Variants in NEK3 observed in about 807,000 individuals in gnomAD.
NEK3 encodes serine/threonine-protein kinase Nek3.
NEK3 carries 54 observed loss-of-function variants against 66.0 expected under a neutral mutation model. The ratio of observed to expected loss-of-function variants is 0.82; its 90% CI spans 0.66 to 1.03. The LOEUF is 1.03. Ranked by LOEUF, NEK3 falls within the 50% of genes least tolerant of loss-of-function variation. The pLI is 0.00. For synonymous variants in NEK3, 200 were observed against 206.2 expected (o/e 0.97, Z 0.26); for missense variants, 593 against 603.0 (o/e 0.98, Z 0.17).
chr13:52,132,941 C>A lies in NEK3; in HGVS notation c.*201G>T, dbSNP rs1956165792. 1 of 557,848 alleles carries A rather than the reference C, an allele frequency of 1.8e-6. No homozygotes were observed. Among genetic ancestry groups the A allele is most frequent in the African/African-American group, 1.9e-5 (1 of 53,282 alleles). The allele number at this position is 557,848 out of a possible 1,614,324, so 34.6% of individuals were successfully genotyped here. ...CACACTCATTCCACTATACCTTCTC[C>A]CTTGAGTTCAAAAACTTACAGGAGT... On this transcript the variant is annotated 3_prime_UTR_variant, in exon 16 of 16. Transcript: ENST00000610828.
At chr13:52,156,869 A>T (rs1571189) in intron 1 of NEK3, 80,721 of 152,064 alleles carry the variant, frequency 0.53, 23,352 homozygotes, top group Middle Eastern at 0.66. Context: ...TATACTACAT[A>T]CAACAGGCAG....
chr13:52,138,916 G>C (rs113972360), intron 11 of NEK3, among the ~76,000 whole-genome samples: 1 of 151,700 alleles, frequency 6.6e-6, no homozygotes, highest in African/African-American at 2.4e-5. Context: ...AGACAACAGA[G>C]AGAGAGAGAG....
intron 2 of NEK3, among the ~76,000 whole-genome samples, chr13:52,155,831 C>G (rs1956390417): frequency 2.6e-5 from 4 of 152,046 alleles, no homozygotes; most frequent in African/African-American, 9.7e-5. Flanking sequence ...TGCAGGCCAC[C>G]ACACTTGCCT....
At chr13:52,156,049 A>C (rs1436108809) in intron 2 of NEK3, 26 bp downstream of exon 2, 3 of 1,438,310 alleles carry the variant, frequency 2.1e-6, no homozygotes, top group Non-Finnish European at 2.9e-6. Flanking sequence ...ATACTTTCAA[A>C]GTGAGCTAAT....
At chr13:52,154,263 G>T in intron 2 of NEK3, 90 bp from the exon 3 acceptor site, 2 of 756,368 alleles carry the variant, frequency 2.6e-6, no homozygotes, top group Non-Finnish European at 4.1e-6. Flanking sequence ...ACACTTTAAT[G>T]CTAGATGCAG....
chr13:52,152,578 T>G (rs750651843), intron 5 of NEK3, 31 bp downstream of exon 5: 1 of 1,467,946 alleles, frequency 6.8e-7, no homozygotes, highest in South Asian at 1.2e-5. Flanking sequence ...AGGACTTTTT[T>G]TTTTTAAGTC....
intron 1 of NEK3, chr13:52,156,812 C>T (rs1956399901): frequency 1.3e-5 from 2 of 152,196 alleles, no homozygotes; most frequent in Admixed American, 1.3e-4. Flanking sequence ...TTTGCAGGGC[C>T]CAGCTACTGA....
intron 11 of NEK3, among the ~76,000 whole-genome samples, chr13:52,140,701 C>A (rs66849828): frequency 0.53 from 80,282 of 151,936 alleles, 23,200 homozygotes; most frequent in Middle Eastern, 0.66. Context: ...CAGTTATTTC[C>A]CATGCCAAAA....
chr13:52,156,004 G>T, intron 2 of NEK3, 71 bp downstream of exon 2: 1 of 1,018,206 alleles, frequency 9.8e-7, no homozygotes. Flanking sequence ...CACTGTGCCT[G>T]GCCAAAAACT....
chr13:52,144,010 T>G, intron 9 of NEK3, 23 bp from the exon 10 acceptor site: 1 of 1,342,304 alleles, frequency 7.4e-7, no homozygotes, highest in South Asian at 1.3e-5. Context: ...GTTGAGAATT[T>G]AGAGATGTGA....
chr13:52,141,808 G>A (rs2897976), intron 10 of NEK3, among the ~76,000 whole-genome samples: 68,216 of 151,544 alleles, frequency 0.45, 18,020 homozygotes, highest in Non-Finnish European at 0.59. Context: ...GGCCGGGTAC[G>A]GTGGCTCATC....
Position 52,141,057 on chromosome 13 carries a change from C to T in NEK3, c.890G>A (p.Arg297Lys), listed in dbSNP as rs1055821539. Residue 297 changes from arginine to lysine, a missense_variant, in exon 11 of 16, where the codon AGA becomes AAA. Transcript: ENST00000610828. ...TTCATTTCCCAAAGCTATCCTGATT[C>T]TGCTGGGGTTTGCTTTTAAAAGAGA... Reference protein sequence around the residue: ...NTPRKKTNPSRIRIALGNEAS... With the variant: ...NTPRKKTNPSKIRIALGNEAS... The T allele has an allele frequency of 6.2e-7, 1 of 1,600,834 alleles. No homozygotes were observed. The highest frequency in any genetic ancestry group is 1.7e-5 in the Admixed American group (1 of 58,008).
chr13:52,136,783 G>T lies in NEK3; in HGVS notation c.1030+17C>A. On this transcript the variant is annotated intron_variant, in intron 12 of 15. Coordinates refer to ENST00000610828, the MANE Select transcript of NEK3 (RefSeq NM_002498.3). ...CAACTCCTCACCTAAGAAATGATTA[G>T]AATTTGAATAACTTACCTTTTTCTT... The T allele has an allele frequency of 6.7e-7, 1 of 1,502,726 alleles. No individual in the cohort carries two copies. Among genetic ancestry groups the T allele is most frequent in the Non-Finnish European group, 9.0e-7 (1 of 1,107,602 alleles). The allele number at this position is 1,502,726 out of a possible 1,614,324, so 93.1% of individuals were successfully genotyped here.
chr13:52,155,867 G>C (rs1340435500), intron 2 of NEK3, among the ~76,000 whole-genome samples: 2 of 151,700 alleles, frequency 1.3e-5, no homozygotes, highest in Non-Finnish European at 2.9e-5. Context: ...ATTTTTACTA[G>C]AGACGGGTTT....
At chr13:52,158,225 A>C (rs1345378617) in intron 1 of NEK3, among the ~76,000 whole-genome samples, 1 of 152,196 alleles carries the variant, frequency 6.6e-6, no homozygotes, top group Non-Finnish European at 1.5e-5. Context: ...AGGCAGAGAG[A>C]GCATGACAGG....
intron 8 of NEK3, among the ~76,000 whole-genome samples, chr13:52,145,930 T>A (rs780088545): frequency 6.6e-6 from 1 of 152,216 alleles, no homozygotes; most frequent in Non-Finnish European, 1.5e-5. Context: ...TCTGAACATG[T>A]ACCCCAGAAC....
chr13:52,136,164 C>T lies in NEK3; in HGVS notation c.1126G>A (p.Glu376Lys). The change falls in exon 13 of 16, where the codon GAA becomes AAA. Residue 376 changes from glutamate (E) to lysine (K), a missense_variant. Transcript: ENST00000610828. ...CTGGAGGTGAGTATGGATGCATTTT[C>T]CAAAGCTGTAAGAGCTGTATTGGGT... Reference protein sequence around the residue: ...NVPNTALTALENASILTSSLT... With the variant: ...NVPNTALTALKNASILTSSLT... The T allele has an allele frequency of 6.2e-7, 1 of 1,613,776 alleles. No homozygotes were observed. The highest frequency in any genetic ancestry group is 8.5e-7 in the Non-Finnish European group (1 of 1,179,734).
At position 52,151,130 on chromosome 13, in the gene NEK3, A is replaced by G. The variant is rs768364075; in HGVS notation, c.548+16T>C. ...TCACCAAATGGGCACCCTGACATCAAATATGCAGCACTCACCTTTTATTGT... is the reference window on the plus strand; with the variant it reads ...TCACCAAATGGGCACCCTGACATCAGATATGCAGCACTCACCTTTTATTGT... On this transcript the variant is annotated intron_variant, in intron 7 of 15. Coordinates refer to ENST00000610828, the MANE Select transcript of NEK3 (RefSeq NM_002498.3). 1.3e-5 allele frequency: 21 copies of G among 1,595,046 alleles called. 1 individual carries two copies. In the South Asian group the frequency reaches 1.6e-4, roughly 12 times the overall value.
intron 15 of NEK3, 43 bp from the exon 16 acceptor site, chr13:52,133,269 C>T (rs1224707317): frequency 1.4e-6 from 2 of 1,444,718 alleles, no homozygotes; most frequent in South Asian, 2.4e-5. Context: ...ACATTAGGGG[C>T]ACAGTATCTG....
Sources: gnomAD v4.1 joint callset for allele counts (sites outside exome capture counted in the v4.1 genomes callset) on GRCh38, gnomAD v4.1.1 for gene constraint, MANE v1.5 for transcripts, NCBI Gene and HGNC (gene_info 2026-07-23, HGNC 2026-07-21) for gene names.